Variants in PSEN1 observed in about 807,000 individuals in gnomAD.
The protein encoded by PSEN1 is presenilin 1.
Under a neutral mutation model 53.5 loss-of-function variants are expected in PSEN1, and 15 were observed. That is an observed-to-expected ratio of 0.28 (90% CI 0.19 to 0.43). The LOEUF is 0.43. Among genes scored for constraint, PSEN1 ranks in the 20% least tolerant of loss-of-function variants. The pLI, the probability that PSEN1 is intolerant of heterozygous loss-of-function variation, is 1.00. For missense variants in PSEN1, 387 were observed against 571.2 expected (o/e 0.68, Z 3.29); for synonymous variants, 208 against 209.8 (o/e 0.99, Z 0.08).
At chr14:73,182,649 G>C (rs1286440566) in intron 5 of PSEN1, among the ~76,000 whole-genome samples, 7 of 152,152 alleles carry the variant, frequency 4.6e-5, no homozygotes, top group African/African-American at 1.7e-4. Flanking sequence ...TTCAAGACCA[G>C]CTTGGCCAAC....
chr14:73,202,418 C>CTATATATATATATATATATATA (rs1248311168), intron 8 of PSEN1, among the ~76,000 whole-genome samples: 1 of 27,210 alleles, frequency 3.7e-5, no homozygotes, highest in Non-Finnish European at 5.9e-5. Flanking sequence ...CTATCACATA[C>CTATATATATATATATATATATA]TATATATATA....
At chr14:73,181,958 G>A (rs1898229716) in intron 5 of PSEN1, among the ~76,000 whole-genome samples, 1 of 152,094 alleles carries the variant, frequency 6.6e-6, no homozygotes, top group Non-Finnish European at 1.5e-5. Flanking sequence ...ATTTTTAGTA[G>A]AGACGGGGTT....
chr14:73,160,717 C>T (rs904179975), intron 3 of PSEN1, among the ~76,000 whole-genome samples: 3 of 148,966 alleles, frequency 2.0e-5, no homozygotes, highest in Non-Finnish European at 3.0e-5. Flanking sequence ...ATTTGTATAT[C>T]TTCTTTGAAG....
chr14:73,155,429 C>A (rs1433813157), intron 3 of PSEN1, among the ~76,000 whole-genome samples: 1 of 152,154 alleles, frequency 6.6e-6, no homozygotes, highest in East Asian at 1.9e-4. Context: ...TAAATATTAA[C>A]ATTTCTTATC....
intron 8 of PSEN1, among the ~76,000 whole-genome samples, chr14:73,199,341 C>T (rs1413920051): frequency 2.0e-5 from 3 of 152,154 alleles, no homozygotes; most frequent in Non-Finnish European, 4.4e-5. Context: ...TTGTCAACTA[C>T]TGTGTTTAGA....
chr14:73,155,287 A>AT lies in PSEN1; in HGVS notation c.87+7183dup, dbSNP rs139870552. ...TTCTTAGCATTATGATCTTTGGCAA[A>AT]TTAACTGGCCTCGCTAAACTTCAGT... On this transcript the variant is annotated intron_variant, in intron 3 of 11. Coordinates refer to ENST00000324501, the MANE Select transcript of PSEN1 (RefSeq NM_000021.4). Among the ~76,000 whole-genome samples the AT allele has an allele frequency of 2.9e-3, 440 of 152,250 alleles. 4 individuals are homozygous for AT. Among genetic ancestry groups the AT allele is most frequent in the African/African-American group, 0.01 (422 of 41,546 alleles).
In PSEN1 at chr14:73,198,103, C is replaced by T. The variant is rs114378630; in HGVS notation, c.842C>T (p.Thr281Met). 1.5e-5 allele frequency: 24 copies of T among 1,609,840 alleles called. No individual in the cohort carries two copies. The East Asian group carries it at 1.8e-4, about 12-fold the overall frequency. ...GAAACAGCTCAGGAGAGAAATGAAA[C>T]GCTTTTTCCAGCTCTCATTTACTCC... ...LVETAQERNETLFPALIYSST... is the reference protein window; with the variant it reads ...LVETAQERNEMLFPALIYSST... The change falls in exon 8 of 12, where the codon ACG becomes ATG. Residue 281 changes from threonine to methionine, a missense_variant. By Grantham distance (81) the Thr-to-Met change is moderately conservative. This residue lies in a region of PSEN1 where 169 missense variants were observed against 299.7 expected (regional missense o/e 0.56). Coordinates refer to ENST00000324501, the MANE Select transcript of PSEN1 (RefSeq NM_000021.4).
Position 73,219,713 on chromosome 14 carries a change from G to C in PSEN1, c.*424G>C, listed in dbSNP as rs1272242401. ...CGGAACTCTTCATCTTAAACTACACGTTGAAAATCAACCCAATAATTCTGT... is the reference window on the plus strand; with the variant it reads ...CGGAACTCTTCATCTTAAACTACACCTTGAAAATCAACCCAATAATTCTGT... On this transcript the variant is annotated 3_prime_UTR_variant, in exon 12 of 12. Transcript: ENST00000324501. The C allele has an allele frequency of 4.5e-6, 1 of 222,152 alleles. No individual in the cohort carries two copies. The highest frequency in any genetic ancestry group is 9.1e-6 in the Non-Finnish European group (1 of 109,904). 13.8% of individuals were successfully genotyped at this position (222,152 alleles called of 1,614,324 possible). A position where few individuals can be genotyped will look rare whatever the true frequency, so the allele number is the denominator to read the frequency against.
chr14:73,190,256 G>A (rs1898665482), intron 6 of PSEN1, among the ~76,000 whole-genome samples: 2 of 152,156 alleles, frequency 1.3e-5, no homozygotes, highest in African/African-American at 4.8e-5. Flanking sequence ...GGGAGGCCGA[G>A]GTGGGAGGAT....
At chr14:73,140,199 A>ATTTT (rs1896881072) in intron 1 of PSEN1, among the ~76,000 whole-genome samples, 1 of 102,440 alleles carries the variant, frequency 9.8e-6, no homozygotes, top group Non-Finnish European at 2.2e-5. Flanking sequence ...TTTTTTTGCT[A>ATTTT]TTCTTTTTTT....
chr14:73,154,731 A>G (rs1897310878), intron 3 of PSEN1, among the ~76,000 whole-genome samples: 2 of 152,252 alleles, frequency 1.3e-5, no homozygotes, highest in Admixed American at 1.3e-4. Context: ...AAGGAACATG[A>G]ACAACTTAAC....
chr14:73,169,313 AT>A (rs1188498986), intron 3 of PSEN1: 2 of 151,904 alleles, frequency 1.3e-5, no homozygotes, highest in African/African-American at 4.8e-5. Flanking sequence ...CTTAGGGGTT[AT>A]TTACACTTCT....
In PSEN1 at chr14:73,161,729, A is replaced by T. The variant is rs370315616; in HGVS notation, c.88-9068A>T. Among the ~76,000 whole-genome samples the T allele has an allele frequency of 9.1e-4, 139 of 152,294 alleles. 3 individuals are homozygous for T. In the South Asian group the frequency reaches 0.029, roughly 32 times the overall value. On this transcript the variant is annotated intron_variant, in intron 3 of 11. Transcript: ENST00000324501. The stretch of plus-strand genomic sequence containing the variant: ...GGCTGAGCCTTGGTGTCCGGGTCAC[A>T]CATGGCTGACCTCAGTTCTCTGGCC...
At chr14:73,211,699 C>G in intron 9 of PSEN1, 70 bp from the exon 10 acceptor site, 1 of 1,535,182 alleles carries the variant, frequency 6.5e-7, no homozygotes, top group Non-Finnish European at 9.0e-7. Flanking sequence ...GTTACTGTTT[C>G]CATGTAATTT....
At chr14:73,147,920 C>T (rs953269496) in intron 2 of PSEN1, 44 bp downstream of exon 2, 1 of 875,090 alleles carries the variant, frequency 1.1e-6, no homozygotes. Context: ...TTTTTTATAA[C>T]AGTATAATTG....
At chr14:73,199,792 C>T (rs944868506) in intron 8 of PSEN1, among the ~76,000 whole-genome samples, 12 of 152,214 alleles carry the variant, frequency 7.9e-5, no homozygotes, top group African/African-American at 2.7e-4. Context: ...GTCATGCAGG[C>T]TGGAGTGCAG....
rs767034217 is a variant in PSEN1 at position 73,171,166 on chromosome 14, C to T, written c.338+119C>T. The T allele has an allele frequency of 7.3e-6, 9 of 1,235,188 alleles. No homozygotes were observed. The South Asian group carries it at 9.0e-5, about 12-fold the overall frequency. The allele number at this position is 1,235,188 out of a possible 1,614,324, so 76.5% of individuals were successfully genotyped here. A position where few individuals can be genotyped will look rare whatever the true frequency, so the allele number is the denominator to read the frequency against. Reference sequence around the variant, plus strand: ...GCATGACTTAGCTGGAGAGCCCATCCTCTGTGATGGTCAGGAGCAGTTGAG... The same window carrying T: ...GCATGACTTAGCTGGAGAGCCCATCTTCTGTGATGGTCAGGAGCAGTTGAG... On this transcript the variant is annotated intron_variant, in intron 4 of 11. Transcript: ENST00000324501.
intron 3 of PSEN1, among the ~76,000 whole-genome samples, chr14:73,154,945 A>T (rs1448986262): frequency 6.6e-6 from 1 of 152,218 alleles, no homozygotes; most frequent in African/African-American, 2.4e-5. Flanking sequence ...TTTGGAGTTA[A>T]GTTAGTATTT....
At chr14:73,149,812 T>C (rs1897166971) in intron 3 of PSEN1, among the ~76,000 whole-genome samples, 1 of 152,240 alleles carries the variant, frequency 6.6e-6, no homozygotes. Context: ...CGAGTACTAT[T>C]ACAGTTCTAT....
Sources: gnomAD v4.1 joint callset for allele counts (sites outside exome capture counted in the v4.1 genomes callset) on GRCh38, gnomAD v4.1.1 for gene constraint, gnomAD v4.1.1 regional missense constraint, MANE v1.5 for transcripts, NCBI Gene and HGNC (gene_info 2026-07-23, HGNC 2026-07-21) for gene names.